SMAD3: variants seen among roughly 807,000 people sequenced by gnomAD.
The protein encoded by SMAD3 is MAD homolog 3.
A neutral mutation model predicts 51.8 loss-of-function variants in SMAD3; 12 were observed. The observed-to-expected ratio is 0.23, with a 90% CI of 0.15 to 0.38. The LOEUF (loss-of-function observed/expected upper bound fraction) is 0.38, where lower values mean the gene tolerates loss of function less well. Among genes scored for constraint, SMAD3 ranks in the 10% least tolerant of loss-of-function variants. The pLI, the probability that SMAD3 is intolerant of heterozygous loss-of-function variation, is 1.00. For synonymous variants in SMAD3, 238 were observed against 227.7 expected (o/e 1.05, Z -0.41); for missense variants, 294 against 565.6 (o/e 0.52, Z 4.87).
At chr15:67,124,871 T>C (rs1353698924) in intron 1 of SMAD3, among the ~76,000 whole-genome samples, 1 of 152,250 alleles carries the variant, frequency 6.6e-6, no homozygotes, top group Non-Finnish European at 1.5e-5. Flanking sequence ...TTACCTGGCA[T>C]CTGAGCCTGG....
intron 1 of SMAD3, among the ~76,000 whole-genome samples, chr15:67,116,882 C>T (rs1595908657): frequency 6.6e-6 from 1 of 152,074 alleles, no homozygotes; most frequent in African/African-American, 2.4e-5. Flanking sequence ...AATGGCATGC[C>T]AGGTTTGAAG....
chr15:67,155,467 C>T (rs974150599), intron 1 of SMAD3, among the ~76,000 whole-genome samples: 7 of 152,038 alleles, frequency 4.6e-5, no homozygotes, highest in Non-Finnish European at 8.8e-5. Flanking sequence ...CTAATACTTG[C>T]GTATTAAAGA....
intron 1 of SMAD3, among the ~76,000 whole-genome samples, chr15:67,081,574 C>T (rs1353923028): frequency 2.0e-5 from 3 of 152,182 alleles, no homozygotes; most frequent in Non-Finnish European, 2.9e-5. Context: ...ACTAAGAAGG[C>T]TAGAAGCAGG....
chr15:67,172,648 A>C (rs926662433), intron 5 of SMAD3, among the ~76,000 whole-genome samples: 2 of 152,128 alleles, frequency 1.3e-5, no homozygotes, highest in Admixed American at 6.5e-5. Context: ...AAGCGTTGTG[A>C]TTTTTCATTT....
chr15:67,140,777 A>G (rs1268074206), intron 1 of SMAD3, among the ~76,000 whole-genome samples: 2 of 152,184 alleles, frequency 1.3e-5, no homozygotes, highest in East Asian at 3.8e-4. Flanking sequence ...TTGGAAGCTT[A>G]GGCTAGGGTT....
intron 7 of SMAD3, among the ~76,000 whole-genome samples, chr15:67,185,519 T>G (rs890739210): frequency 5.3e-5 from 8 of 152,044 alleles, no homozygotes; most frequent in African/African-American, 1.9e-4. Flanking sequence ...AGGAGGGTCA[T>G]GTATGAGACC....
chr15:67,152,425 C>T (rs1962171929), intron 1 of SMAD3, among the ~76,000 whole-genome samples: 1 of 152,298 alleles, frequency 6.6e-6, no homozygotes, highest in South Asian at 2.1e-4. Context: ...GCCCAGATCA[C>T]CCAGAATGAG....
intron 1 of SMAD3, among the ~76,000 whole-genome samples, chr15:67,164,528 G>A (rs1245705139): frequency 1.3e-5 from 2 of 152,124 alleles, no homozygotes; most frequent in Admixed American, 6.5e-5. Flanking sequence ...CCACACCTCT[G>A]GGCTGAGTAG....
chr15:67,122,167 G>A (rs2140244230), intron 1 of SMAD3, among the ~76,000 whole-genome samples: 2 of 152,312 alleles, frequency 1.3e-5, no homozygotes, highest in African/African-American at 4.8e-5. Context: ...TCCTACAGAG[G>A]TTAAGTTGAC....
chr15:67,107,548 A>G (rs2140230560), intron 1 of SMAD3, among the ~76,000 whole-genome samples: 1 of 152,232 alleles, frequency 6.6e-6, no homozygotes, highest in South Asian at 2.1e-4. Context: ...GCTGCGAGTA[A>G]TTTCTGATGG....
chr15:67,184,694 G>T (rs1000537379), intron 6 of SMAD3, 33 bp from the exon 7 acceptor site: 12 of 1,613,346 alleles, frequency 7.4e-6, no homozygotes, highest in Admixed American at 1.7e-5. Flanking sequence ...GTGAGCAAAG[G>T]CACCCTGTCC....
chr15:67,065,663 CAGCG>C lies in SMAD3; in HGVS notation c.-479_-476del, dbSNP rs955256777. Among the ~76,000 whole-genome samples, 1 of 151,394 alleles carries C rather than the reference CAGCG, an allele frequency of 6.6e-6. No homozygotes were observed. The highest frequency in any genetic ancestry group is 2.4e-5 in the African/African-American group (1 of 41,272). On this transcript the variant is annotated 5_prime_UTR_variant, in exon 1 of 9. Coordinates refer to ENST00000327367, the MANE Select transcript of SMAD3 (RefSeq NM_005902.4). ...GGCGCACGCCCCGGGCCGGCCCAGC[CAGCG>C]AGCGAGCGAGCGGCGAGCCGGGAGG...
intron 1 of SMAD3, among the ~76,000 whole-genome samples, chr15:67,092,156 C>T (rs1960521951): frequency 1.3e-5 from 2 of 152,150 alleles, no homozygotes. Flanking sequence ...TGCTGGAGGC[C>T]TCCTGATCTG....
chr15:67,083,215 C>T (rs577853196), intron 1 of SMAD3, among the ~76,000 whole-genome samples: 33 of 152,380 alleles, frequency 2.2e-4, no homozygotes, highest in East Asian at 7.7e-4. Flanking sequence ...GTTCACCACT[C>T]ATAGAGCGTC....
intron 1 of SMAD3, among the ~76,000 whole-genome samples, chr15:67,136,531 A>G (rs1485145664): frequency 6.6e-6 from 1 of 152,048 alleles, no homozygotes; most frequent in Non-Finnish European, 1.5e-5. Flanking sequence ...GGGTTTCGCC[A>G]TGTTGGCCAG....
intron 1 of SMAD3, among the ~76,000 whole-genome samples, chr15:67,123,453 T>C (rs531769898): frequency 6.6e-6 from 1 of 152,242 alleles, no homozygotes; most frequent in Non-Finnish European, 1.5e-5. Context: ...GAGCCAAGAT[T>C]GTGCCATCGC....
chr15:67,166,818 C>T lies in SMAD3; in HGVS notation c.572C>T (p.Thr191Ile), dbSNP rs780727302. Residue 191 changes from threonine (T) to isoleucine (I), a missense_variant, in exon 4 of 9, where the codon ACC (threonine) becomes ATC (isoleucine). Physicochemically the swap from Thr to Ile is moderately conservative, Grantham distance 89. Coordinates refer to ENST00000327367, the MANE Select transcript of SMAD3 (RefSeq NM_005902.4). ...GGCTACCTGAGTGAAGATGGAGAAA[C>T]CAGTGACCACCAGATGAACCACAGC... ...PPGYLSEDGE[T>I]SDHQMNHSMD... The T allele has an allele frequency of 2.5e-6, 4 of 1,596,588 alleles. No homozygotes were observed. In the South Asian group the frequency reaches 4.6e-5, roughly 18 times the overall value.
intron 1 of SMAD3, among the ~76,000 whole-genome samples, chr15:67,097,804 T>G (rs1960647579): frequency 6.6e-6 from 1 of 152,110 alleles, no homozygotes; most frequent in African/African-American, 2.4e-5. Flanking sequence ...AAAAGTAGTA[T>G]CCTCTAGGAA....
At chr15:67,096,114 C>A (rs1369590097) in intron 1 of SMAD3, among the ~76,000 whole-genome samples, 2 of 152,218 alleles carry the variant, frequency 1.3e-5, no homozygotes, top group Non-Finnish European at 2.9e-5. Context: ...CGATGACATT[C>A]TAAGAAACAT....
Sources: allele counts gnomAD v4.1 joint callset (sites outside exome capture counted in the v4.1 genomes callset), GRCh38; gene constraint gnomAD v4.1.1; transcripts MANE v1.5; gene names NCBI Gene and HGNC (gene_info 2026-07-23, HGNC 2026-07-21).